Variants in SLC39A11 observed in about 807,000 individuals in gnomAD.
SLC39A11 encodes the protein solute carrier family 39 member 11, also known as zinc transporter ZIP11.
A neutral mutation model predicts 36.1 loss-of-function variants in SLC39A11; 33 were observed. The ratio of observed to expected loss-of-function variants is 0.91; its 90% CI spans 0.69 to 1.22. SLC39A11 has a LOEUF of 1.22. Ranked by LOEUF, SLC39A11 falls within the 50% of genes most tolerant of loss-of-function variation. SLC39A11 has a pLI of 0.00. For synonymous variants in SLC39A11, 166 were observed against 170.3 expected, an observed-to-expected ratio of 0.97 and a Z score of 0.20; for missense variants, 432 against 430.3, an observed-to-expected ratio of 1.00 and a Z score of -0.03.
intron 6 of SLC39A11, among the ~76,000 whole-genome samples, chr17:72,848,699 G>A (rs957869525): frequency 2.7e-5 from 4 of 148,600 alleles, no homozygotes; most frequent in Non-Finnish European, 5.9e-5. Flanking sequence ...CCAGCCTGGG[G>A]GACAGAGCAA....
At chr17:72,818,202 G>C (rs2077646135) in intron 6 of SLC39A11, among the ~76,000 whole-genome samples, 1 of 152,172 alleles carries the variant, frequency 6.6e-6, no homozygotes, top group Admixed American at 6.5e-5. Flanking sequence ...TATATCACCT[G>C]TGTCTTCTTT....
intron 6 of SLC39A11, among the ~76,000 whole-genome samples, chr17:72,803,921 A>G (rs543238071): frequency 2.8e-4 from 42 of 151,202 alleles, no homozygotes; most frequent in African/African-American, 9.7e-4. Context: ...ACACAAGACA[A>G]ACTCTTACAC....
intron 5 of SLC39A11, among the ~76,000 whole-genome samples, chr17:72,922,892 C>T (rs866378503): frequency 1.3e-4 from 18 of 135,440 alleles, no homozygotes; most frequent in Non-Finnish European, 2.3e-4. Context: ...TCCTTGAACC[C>T]GGGAGGCGGA....
chr17:72,822,907 G>A (rs897634062), intron 6 of SLC39A11, among the ~76,000 whole-genome samples: 7 of 150,814 alleles, frequency 4.6e-5, no homozygotes, highest in African/African-American at 1.5e-4. Flanking sequence ...TTGAGGCAAG[G>A]TCTTGCCCTG....
chr17:73,051,593 C>G (rs1026237590), intron 3 of SLC39A11, among the ~76,000 whole-genome samples: 1 of 150,992 alleles, frequency 6.6e-6, no homozygotes, highest in African/African-American at 2.4e-5. Flanking sequence ...CGCCGTGGTT[C>G]AGGCCTGTAA....
intron 3 of SLC39A11, among the ~76,000 whole-genome samples, chr17:73,041,267 C>T (rs2059106186): frequency 1.3e-5 from 2 of 152,282 alleles, no homozygotes; most frequent in Admixed American, 6.5e-5. Flanking sequence ...AGGAAGAGGA[C>T]ATGGCAGCCA....
chr17:72,864,062 C>T (rs1223100346), intron 5 of SLC39A11, among the ~76,000 whole-genome samples: 3 of 152,198 alleles, frequency 2.0e-5, no homozygotes, highest in African/African-American at 7.2e-5. Flanking sequence ...TAGGTTCTCT[C>T]TGTTCACTGC....
At chr17:72,989,351 T>C (rs2088998987) in intron 4 of SLC39A11, among the ~76,000 whole-genome samples, 1 of 152,228 alleles carries the variant, frequency 6.6e-6, no homozygotes, top group Non-Finnish European at 1.5e-5. Context: ...TTATTTGCAA[T>C]GAAATGATTT....
rs1465409113 is a variant in SLC39A11 at position 73,054,965 on chromosome 17, ATCAGGG to A, written c.148-23257_148-23252del. 3.9e-5 allele frequency among the ~76,000 whole-genome samples: 6 copies of A among 152,278 alleles called. No homozygotes were observed. In the East Asian group the frequency reaches 1.2e-3, roughly 29 times the overall value. On this transcript the variant is annotated intron_variant, in intron 3 of 9. Coordinates refer to ENST00000255559, the MANE Select transcript of SLC39A11 (RefSeq NM_139177.4). Reference sequence around the variant, plus strand: ...ACTCGATGACAAGGATCTGGAAGGGATCAGGGTCCAGAAGAGAAGGGCAGAGCAAGT... The same window carrying A: ...ACTCGATGACAAGGATCTGGAAGGGATCCAGAAGAGAAGGGCAGAGCAAGT...
intron 7 of SLC39A11, among the ~76,000 whole-genome samples, chr17:72,721,695 G>T (rs750493226): frequency 6.6e-6 from 1 of 152,014 alleles, no homozygotes; most frequent in Non-Finnish European, 1.5e-5. Flanking sequence ...ATTGGCTGGG[G>T]GTGGTAGCTC....
At chr17:72,964,615 T>C (rs1006772803) in intron 4 of SLC39A11, among the ~76,000 whole-genome samples, 1 of 152,216 alleles carries the variant, frequency 6.6e-6, no homozygotes, top group Non-Finnish European at 1.5e-5. Context: ...TAGTGTGAGA[T>C]ACTTGGCCAT....
At chr17:73,080,055 C>A (rs1412581031) in intron 3 of SLC39A11, among the ~76,000 whole-genome samples, 4 of 152,150 alleles carry the variant, frequency 2.6e-5, no homozygotes, top group African/African-American at 4.8e-5. Flanking sequence ...AAAATGACCA[C>A]ACTGCCAAAA....
At chr17:72,990,659 C>G (rs8075458) in intron 4 of SLC39A11, among the ~76,000 whole-genome samples, 3 of 151,814 alleles carry the variant, frequency 2.0e-5, no homozygotes, top group Non-Finnish European at 2.9e-5. Context: ...AACTCCTGAC[C>G]TCAAGTGATT....
intron 4 of SLC39A11, among the ~76,000 whole-genome samples, chr17:72,986,533 C>T (rs1026673202): frequency 3.3e-5 from 5 of 152,232 alleles, no homozygotes; most frequent in African/African-American, 4.8e-5. Flanking sequence ...ATTACTGCCA[C>T]ACTGCTGCAC....
At chr17:72,795,755 C>T (rs541339646) in intron 6 of SLC39A11, among the ~76,000 whole-genome samples, 1 of 152,276 alleles carries the variant, frequency 6.6e-6, no homozygotes, top group Admixed American at 6.5e-5. Flanking sequence ...CTTCTTACTA[C>T]TTGTCACAGA....
At chr17:72,729,422 TATATATATATATATATATATATATATATA>T (rs2074079439) in intron 7 of SLC39A11, among the ~76,000 whole-genome samples, 22 of 2,604 alleles carry the variant, frequency 8.4e-3, no homozygotes, top group African/African-American at 0.024. Flanking sequence ...TATATATATA[TATATATATATATATATATATATATATATA>T]TATATATTTT....
intron 7 of SLC39A11, among the ~76,000 whole-genome samples, chr17:72,664,436 T>G (rs1248418362): frequency 3.3e-5 from 5 of 152,194 alleles, no homozygotes; most frequent in African/African-American, 1.2e-4. Flanking sequence ...GGTGCCATTC[T>G]TGGCTACTCT....
chr17:72,757,280 C>T (rs1016097926), intron 6 of SLC39A11, among the ~76,000 whole-genome samples: 1 of 152,088 alleles, frequency 6.6e-6, no homozygotes, highest in African/African-American at 2.4e-5. Context: ...AGGTAAGACC[C>T]GATTCAAGTA....
intron 2 of SLC39A11, among the ~76,000 whole-genome samples, chr17:73,086,749 G>A (rs2060743108): frequency 2.0e-5 from 3 of 152,212 alleles, no homozygotes; most frequent in Admixed American, 2.0e-4. Context: ...GAACCCAGGA[G>A]GTGGAGGTTG....
Sources: gnomAD v4.1 joint callset for allele counts (sites outside exome capture counted in the v4.1 genomes callset) on GRCh38, gnomAD v4.1.1 for gene constraint, MANE v1.5 for transcripts, NCBI Gene and HGNC (gene_info 2026-07-23, HGNC 2026-07-21) for gene names.